EDRF1: variants seen among roughly 807,000 people sequenced by gnomAD.
The protein encoded by EDRF1 is erythroid differentiation regulatory factor 1, also known as erythroid differentiation-related factor 1.
Under a neutral mutation model 148.7 loss-of-function variants are expected in EDRF1, and 69 were observed. The observed-to-expected ratio is 0.46, with a 90% confidence interval of 0.38 to 0.57. EDRF1 has a LOEUF of 0.57. Among genes scored for constraint, EDRF1 ranks in the 20% least tolerant of loss-of-function variants. The pLI, the probability that EDRF1 is intolerant of heterozygous loss-of-function variation, is 0.00. For synonymous variants in EDRF1, 515 were observed against 532.8 expected (o/e 0.97, Z 0.46); for missense variants, 1,118 against 1,478.7 (o/e 0.76, Z 4.00).
chr10:125,732,782 G>A (rs1328316936), intron 9 of EDRF1, among the ~76,000 whole-genome samples: 1 of 152,166 alleles, frequency 6.6e-6, no homozygotes, highest in Non-Finnish European at 1.5e-5. Flanking sequence ...AGATGGTTAG[G>A]AGAGTGTGCA....
At chr10:125,756,568 C>G (rs900226462) in intron 24 of EDRF1, among the ~76,000 whole-genome samples, 1 of 152,194 alleles carries the variant, frequency 6.6e-6, no homozygotes, top group Non-Finnish European at 1.5e-5. Flanking sequence ...TTATCTGTTT[C>G]TCCTCTCAGC....
rs576402220 is a variant in EDRF1, at chr10:125,751,388, T to C, written c.3278-1411T>C. On this transcript the variant is annotated intron_variant, in intron 22 of 24. Transcript: ENST00000356792. ...CTAGTTTGTGACACCTTTTATTCTA[T>C]CTTATTTTACCCAGTGTTTTTTTTT... 4.0e-5 allele frequency among the ~76,000 whole-genome samples: 6 copies of C among 149,084 alleles called. No homozygotes were observed. The East Asian group carries it at 1.2e-3, about 31-fold the overall frequency.
chr10:125,758,247 T>C (rs1447878646), intron 24 of EDRF1, among the ~76,000 whole-genome samples: 2 of 152,234 alleles, frequency 1.3e-5, no homozygotes, highest in Non-Finnish European at 2.9e-5. Flanking sequence ...TTGCGTGGCA[T>C]CCATCTTGTC....
chr10:125,740,072 A>C (rs963428926), intron 15 of EDRF1, among the ~76,000 whole-genome samples: 1 of 152,204 alleles, frequency 6.6e-6, no homozygotes, highest in African/African-American at 2.4e-5. Flanking sequence ...GAAACATGCA[A>C]CTAGCTAAGT....
intron 17 of EDRF1, chr10:125,742,456 T>A: frequency 9.4e-7 from 1 of 1,061,130 alleles, no homozygotes; most frequent in South Asian, 2.8e-5. Flanking sequence ...GCTAGAGGAG[T>A]ATACTGGGGG....
intron 6 of EDRF1, among the ~76,000 whole-genome samples, chr10:125,726,770 AG>A (rs1362778752): frequency 6.6e-6 from 1 of 152,262 alleles, no homozygotes; most frequent in Non-Finnish European, 1.5e-5. Context: ...TGTAAGGAAA[AG>A]GAAGTAATTA....
chr10:125,725,936 A>G lies in EDRF1; in HGVS notation c.792+98A>G, dbSNP rs531849563. ...AAAAAAAGATGAACAGGACTAAGAA[A>G]TATTCTGTCAGCTTATGGAATGGGG... On this transcript the variant is annotated intron_variant, in intron 6 of 24. Transcript: ENST00000356792. 3 of 1,300,106 alleles carry G rather than the reference A, an allele frequency of 2.3e-6. No individual in the cohort carries two copies. In the Admixed American group the frequency reaches 5.9e-5, roughly 26 times the overall value. 80.5% of individuals were successfully genotyped at this position (1,300,106 alleles called of 1,614,324 possible).
At position 125,719,862 on chromosome 10, in the gene EDRF1, C is replaced by G. The variant is rs145949068; in HGVS notation, c.55C>G (p.Arg19Gly). The G allele has an allele frequency of 8.1e-6, 13 of 1,612,958 alleles. No individual in the cohort carries two copies. The highest frequency in any genetic ancestry group is 2.7e-5 in the African/African-American group (2 of 75,054). ...GGGTCCGCCGGCCGGGGCCGCCGCT[C>G]GAGGAGGGCTCAGCCTCCTGTCCCA... The part of the protein sequence containing the change: ...AEGPPAGAAA[R>G]GGLSLLSQGE... The change falls in exon 1 of 25, where the codon CGA becomes GGA. Residue 19 changes from arginine (R) to glycine (G), a missense_variant. This residue lies in a region of EDRF1 where 65 missense variants were observed against 50.3 expected (regional missense o/e 1.29). Coordinates refer to ENST00000356792, the MANE Select transcript of EDRF1 (RefSeq NM_001202438.2).
Position 125,733,641 on chromosome 10 carries a change from G to T in EDRF1, c.1283G>T (p.Gly428Val). The T allele has an allele frequency of 6.2e-7, 1 of 1,613,410 alleles. No individual in the cohort carries two copies. Among genetic ancestry groups the T allele is most frequent in the Non-Finnish European group, 8.5e-7 (1 of 1,179,492 alleles). ...TCTTTGTTTTTCTTTTCAGCAAGTG[G>T]CAGCGATATAGTGAAGCTCTATGAC... ...GHTYWLFKAS[G>V]SDIVKLYDLT... is the part of the protein sequence containing the mutation. The change falls in exon 11 of 25, where the codon GGC becomes GTC. Residue 428 changes from glycine (G) to valine (V), a missense_variant. By Grantham distance (109) the Gly-to-Val change is moderately radical. Around this residue, in one of 3 missense-constraint regions of EDRF1, gnomAD observed 954 missense variants for 1,241.4 expected, o/e 0.77. Coordinates refer to ENST00000356792, the MANE Select transcript of EDRF1 (RefSeq NM_001202438.2).
chr10:125,726,977 TGAG>T (rs771137503), intron 6 of EDRF1, among the ~76,000 whole-genome samples: 1 of 152,212 alleles, frequency 6.6e-6, no homozygotes, highest in Non-Finnish European at 1.5e-5. Context: ...ACTTGCGTGT[TGAG>T]GAAGCAAGCT....
chr10:125,748,565 G>T (rs74451554), intron 21 of EDRF1: 1,676 of 148,080 alleles, frequency 0.011, 30 homozygotes, highest in African/African-American at 0.041. Flanking sequence ...TCTCAGTGAT[G>T]TTTTTTTGTT....
At position 125,735,869 on chromosome 10, in the gene EDRF1, G is replaced by C; in HGVS notation, c.1723G>C (p.Val575Leu). Reference sequence around the variant, plus strand: ...AATCAAGTCTGTTGGAGAACTATCAGTACCAGAAAAATACAAATCTATTCA... The same window carrying C: ...AATCAAGTCTGTTGGAGAACTATCACTACCAGAAAAATACAAATCTATTCA... ...AIIKSVGELS[V>L]PEKYKSIHQI... Residue 575 changes from valine to leucine, a missense_variant, in exon 13 of 25, where the codon GTA (valine) becomes CTA (leucine). By Grantham distance (32) the Val-to-Leu change is conservative (BLOSUM62 1). Coordinates refer to ENST00000356792, the MANE Select transcript of EDRF1 (RefSeq NM_001202438.2). 2 of 1,611,576 alleles carry C rather than the reference G, an allele frequency of 1.2e-6. No homozygotes were observed. Among genetic ancestry groups the C allele is most frequent in the Non-Finnish European group, 1.7e-6 (2 of 1,178,220 alleles).
chr10:125,753,933 G>A (rs919854803), intron 24 of EDRF1, 88 bp downstream of exon 24: 36 of 1,447,142 alleles, frequency 2.5e-5, no homozygotes, highest in Admixed American at 5.3e-5. Flanking sequence ...GAAAAACTAG[G>A]GGCCAGGCAC....
At chr10:125,721,111 C>T in intron 1 of EDRF1, 93 bp from the exon 2 acceptor site, 2 of 1,223,380 alleles carry the variant, frequency 1.6e-6, no homozygotes, top group Non-Finnish European at 2.4e-6. Flanking sequence ...CCTTGTGAAG[C>T]CTGGTGTGAC....
At chr10:125,731,854 G>C in intron 9 of EDRF1, 1 of 451,906 alleles carries the variant, frequency 2.2e-6, no homozygotes, top group Non-Finnish European at 4.5e-6. Flanking sequence ...TACCTTATTT[G>C]ATCTTCTTAG....
rs1005230251 is a variant in EDRF1, at chr10:125,719,840, T to G, written c.33T>G (p.Gly11=). ...ATGCCAAGGAGGCCGGAGCCGAGGG[T>G]CCGCCGGCCGGGGCCGCCGCTCGAG... is the stretch of plus-strand genomic sequence containing the variant. MGDAKEAGAE[G]PPAGAAARGG... The change falls in exon 1 of 25, where the codon GGT becomes GGG. Residue 11 remains glycine (G), a synonymous_variant. Transcript: ENST00000356792. The G allele has an allele frequency of 1.3e-4, 206 of 1,612,002 alleles. No homozygotes were observed. Among genetic ancestry groups the G allele is most frequent in the Middle Eastern group, 3.3e-4 (2 of 6,058 alleles).
In EDRF1 at chr10:125,725,335, G is replaced by C; in HGVS notation, c.528G>C (p.Trp176Cys). 1 of 1,614,020 alleles carries C rather than the reference G, an allele frequency of 6.2e-7. No individual in the cohort carries two copies. Among genetic ancestry groups the C allele is most frequent in the Non-Finnish European group, 8.5e-7 (1 of 1,179,946 alleles). ...TTATCCAGACTGGTGACTGGACATG[G>C]TTGAAAGAGTTTTATCAAAGACTCA... is the stretch of plus-strand genomic sequence containing the variant. ...MRSSQTGDWTWLKEFYQRLID... is the reference protein window; with the variant it reads ...MRSSQTGDWTCLKEFYQRLID... The change falls in exon 5 of 25, where the codon TGG (tryptophan) becomes TGC (cysteine). Residue 176 changes from tryptophan (W) to cysteine (C), a missense_variant. Transcript: ENST00000356792.
At chr10:125,759,448 A>G (rs1465591440) in intron 24 of EDRF1, among the ~76,000 whole-genome samples, 1 of 152,100 alleles carries the variant, frequency 6.6e-6, no homozygotes, top group Non-Finnish European at 1.5e-5. Context: ...GTTCTGCACC[A>G]TGAATAGAAA....
intron 4 of EDRF1, among the ~76,000 whole-genome samples, 162 bp from the exon 5 acceptor site, chr10:125,725,156 A>G (rs570036497): frequency 1.3e-5 from 2 of 152,318 alleles, no homozygotes; most frequent in East Asian, 3.9e-4. Context: ...CAAAAAACAA[A>G]AGAAAGGTGG....
Sources: gnomAD v4.1 joint callset for allele counts (sites outside exome capture counted in the v4.1 genomes callset) on GRCh38, gnomAD v4.1.1 for gene constraint, gnomAD v4.1.1 regional missense constraint, MANE v1.5 for transcripts, NCBI Gene and HGNC (gene_info 2026-07-23, HGNC 2026-07-21) for gene names.